Variants in MAGI2 observed in about 807,000 individuals in gnomAD.
The protein encoded by MAGI2 is membrane associated guanylate kinase, WW and PDZ domain containing 2.
A neutral mutation model predicts 133.3 loss-of-function variants in MAGI2; 35 were observed. The ratio of observed to expected loss-of-function variants is 0.26; its 90% CI spans 0.20 to 0.35. The LOEUF (loss-of-function observed/expected upper bound fraction) is 0.35, where lower values mean the gene tolerates loss of function less well. Among genes scored for constraint, MAGI2 ranks in the 10% least tolerant of loss-of-function variants. The pLI is 1.00. For synonymous variants in MAGI2, 729 were observed against 710.6 expected (o/e 1.03, Z -0.41); for missense variants, 1,636 against 1,863.4 (o/e 0.88, Z 2.25).
chr7:78,953,491 C>T (rs979981307), intron 2 of MAGI2, among the ~76,000 whole-genome samples: 3 of 152,054 alleles, frequency 2.0e-5, no homozygotes, highest in Non-Finnish European at 2.9e-5. Flanking sequence ...AAAAATAAAA[C>T]AATAAATGGG....
chr7:78,233,271 G>A (rs1011679143), intron 10 of MAGI2, among the ~76,000 whole-genome samples: 6 of 152,124 alleles, frequency 3.9e-5, no homozygotes, highest in Admixed American at 3.9e-4. Flanking sequence ...TTGAGGAGTA[G>A]ACAAAGAATT....
chr7:79,401,387 T>A (rs1845458982), intron 1 of MAGI2, among the ~76,000 whole-genome samples: 1 of 152,212 alleles, frequency 6.6e-6, no homozygotes, highest in Non-Finnish European at 1.5e-5. Flanking sequence ...TCTGGCAATA[T>A]CAGTTTTCAG....
At chr7:78,048,981 G>A (rs569433772) in intron 21 of MAGI2, among the ~76,000 whole-genome samples, 63 of 151,784 alleles carry the variant, frequency 4.2e-4, no homozygotes, top group Non-Finnish European at 7.9e-4. Context: ...GGTGGCGTGC[G>A]CCTGTAATCC....
intron 3 of MAGI2, among the ~76,000 whole-genome samples, chr7:78,573,031 G>GTATGTATATATATATATATATATA (rs1801680848): frequency 3.8e-5 from 1 of 26,388 alleles, no homozygotes; most frequent in Non-Finnish European, 6.3e-5. Flanking sequence ...ATATGCATAT[G>GTATGTATATATATATATATATATA]TATGTATATA....
intron 2 of MAGI2, among the ~76,000 whole-genome samples, chr7:78,882,216 T>C (rs1413921518): frequency 7.0e-6 from 1 of 143,592 alleles, no homozygotes; most frequent in East Asian, 2.1e-4. Flanking sequence ...AAATAAAAAA[T>C]CTCAAGGACT....
chr7:78,019,926 C>T lies in MAGI2; in HGVS notation c.3757G>A (p.Glu1253Lys), dbSNP rs1240519716. ...CCGTCGTCCAGGGAGACGCCTACTT[C>T]CGGCAGACCTGGGGCGGCGGCAGCG... ...SPAAAAPGLP[E>K]VGVSLDDGLA... is the part of the protein sequence containing the mutation. Residue 1253 changes from glutamate to lysine, a missense_variant, in exon 22 of 22, where the codon GAA becomes AAA. Around this residue, in one of 5 missense-constraint regions of MAGI2, gnomAD observed 354 missense variants for 298.7 expected, o/e 1.19. Transcript: ENST00000354212. 3 of 1,610,236 alleles carry T rather than the reference C, an allele frequency of 1.9e-6. No individual in the cohort carries two copies. Among genetic ancestry groups the T allele is most frequent in the South Asian group, 1.1e-5 (1 of 90,360 alleles).
At chr7:78,848,313 C>G (rs1486954379) in intron 2 of MAGI2, among the ~76,000 whole-genome samples, 1 of 151,898 alleles carries the variant, frequency 6.6e-6, no homozygotes, top group Non-Finnish European at 1.5e-5. Flanking sequence ...CCTTCACCCT[C>G]CACATCCAAT....
At chr7:79,393,924 G>A (rs1022498871) in intron 1 of MAGI2, among the ~76,000 whole-genome samples, 7 of 152,162 alleles carry the variant, frequency 4.6e-5, no homozygotes, top group African/African-American at 1.7e-4. Context: ...CCAGGTCTGG[G>A]TGTCTATAGA....
chr7:78,331,797 C>T (rs547401402), intron 9 of MAGI2, among the ~76,000 whole-genome samples: 2 of 152,212 alleles, frequency 1.3e-5, no homozygotes, highest in South Asian at 2.1e-4. Context: ...GCTCTCAGGC[C>T]GAGTAGAGGC....
chr7:79,435,198 C>T (rs2129190498), intron 1 of MAGI2, among the ~76,000 whole-genome samples: 1 of 152,234 alleles, frequency 6.6e-6, no homozygotes, highest in Middle Eastern at 3.4e-3. Context: ...TTTGTAGAAC[C>T]TTAATGTGTC....
At chr7:78,048,306 T>A (rs1279518075) in intron 21 of MAGI2, among the ~76,000 whole-genome samples, 1 of 152,160 alleles carries the variant, frequency 6.6e-6, no homozygotes, top group Non-Finnish European at 1.5e-5. Context: ...GGAAGAACGC[T>A]CCAGTGGAGA....
chr7:78,125,577 A>G, intron 20 of MAGI2, 117 bp downstream of exon 20: 1 of 1,004,694 alleles, frequency 1.0e-6, no homozygotes, highest in Non-Finnish European at 1.4e-6. Context: ...ATCATCAACT[A>G]GAAAGAGGGC....
At chr7:78,182,973 T>C (rs1222036566) in intron 13 of MAGI2, among the ~76,000 whole-genome samples, 1 of 152,200 alleles carries the variant, frequency 6.6e-6, no homozygotes, top group Non-Finnish European at 1.5e-5. Flanking sequence ...TAAATAAACA[T>C]TACCTGAACT....
chr7:78,353,402 G>A (rs1035579448), intron 7 of MAGI2, among the ~76,000 whole-genome samples: 3 of 152,210 alleles, frequency 2.0e-5, no homozygotes, highest in South Asian at 2.1e-4. Context: ...ATGCTCCAGT[G>A]GGGGAGACAC....
intron 20 of MAGI2, among the ~76,000 whole-genome samples, chr7:78,081,542 C>T (rs1040754707): frequency 5.3e-5 from 8 of 152,036 alleles, no homozygotes; most frequent in Non-Finnish European, 1.0e-4. Flanking sequence ...GGTGACATAT[C>T]GGTTGAGTTT....
At chr7:79,081,495 A>G (rs7789445) in intron 1 of MAGI2, among the ~76,000 whole-genome samples, 120,329 of 152,090 alleles carry the variant, frequency 0.79, 48,629 homozygotes, top group Non-Finnish European at 0.88. Flanking sequence ...GCACATGGAA[A>G]TTTCTCAGTT....
intron 1 of MAGI2, among the ~76,000 whole-genome samples, chr7:79,423,255 T>A (rs891196221): frequency 6.6e-6 from 1 of 152,028 alleles, no homozygotes; most frequent in Non-Finnish European, 1.5e-5. Context: ...GTAAACAGAT[T>A]ATCATTTTAA....
At chr7:79,354,119 C>A (rs1044666105) in intron 1 of MAGI2, 1 of 152,292 alleles carries the variant, frequency 6.6e-6, no homozygotes, top group Non-Finnish European at 1.5e-5. Flanking sequence ...CTAATGTGAC[C>A]TTGAGCTACC....
At chr7:78,086,677 C>G (rs974797297) in intron 20 of MAGI2, among the ~76,000 whole-genome samples, 1 of 151,524 alleles carries the variant, frequency 6.6e-6, no homozygotes, top group Non-Finnish European at 1.5e-5. Context: ...CTTTGTCACC[C>G]AAGCTGGAGT....
Sources: allele counts gnomAD v4.1 joint callset (sites outside exome capture counted in the v4.1 genomes callset), GRCh38; gene constraint gnomAD v4.1.1; regional missense constraint gnomAD v4.1.1; transcripts MANE v1.5; gene names NCBI Gene and HGNC (gene_info 2026-07-23, HGNC 2026-07-21).